The following RMDN2 variants were observed in gnomAD, a reference collection of about 807,000 sequenced individuals.
RMDN2 encodes the protein regulator of microtubule dynamics protein 2.
In RMDN2, 61 loss-of-function variants were observed where a neutral mutation model predicts 52.8. That is an observed-to-expected ratio of 1.16 (90% CI 0.94 to 1.43). RMDN2 has a LOEUF of 1.43. Ranked by LOEUF, RMDN2 falls within the 40% of genes most tolerant of loss-of-function variation. RMDN2 has a pLI of 0.00. For synonymous variants in RMDN2, 180 were observed against 153.1 expected (o/e 1.18, Z -1.30); for missense variants, 592 against 475.3 (o/e 1.25, Z -2.28).
intron 10 of RMDN2, chr2:38,012,692 G>T (rs1013370447): frequency 1.8e-5 from 8 of 435,538 alleles, no homozygotes; most frequent in Middle Eastern, 3.7e-4. Flanking sequence ...TGAGAAAATA[G>T]GATGAAGTGA....
chr2:38,049,319 A>G lies in RMDN2; in HGVS notation c.1714-17663A>G, dbSNP rs79012639. Among the ~76,000 whole-genome samples the G allele has an allele frequency of 4.2e-3, 642 of 152,324 alleles. 4 individuals carry two copies. The highest frequency in any genetic ancestry group is 0.015 in the African/African-American group (618 of 41,572). On this transcript the variant is annotated intron_variant, in intron 10 of 10. Coordinates refer to the RMDN2 transcript ENST00000234195. ...CATCAGTCAGAGAAGCAGCATGATC[A>G]GCAAAGCTCTCACAGTGGACTGGAC...
chr2:38,058,989 A>C (rs112494667), intron 10 of RMDN2, among the ~76,000 whole-genome samples: 61 of 152,346 alleles, frequency 4.0e-4, no homozygotes, highest in African/African-American at 1.3e-3. Context: ...TTCTTATCAT[A>C]GTGTTTTACC....
At chr2:37,960,397 GTA>G (rs1422750771) in intron 2 of RMDN2, among the ~76,000 whole-genome samples, 2 of 152,038 alleles carry the variant, frequency 1.3e-5, no homozygotes, top group Non-Finnish European at 2.9e-5. Context: ...TTACCATTAT[GTA>G]ATTACCTTGA....
chr2:37,929,212 T>C (rs1053289947), intron 1 of RMDN2, 50 bp from the exon 2 acceptor site: 145 of 1,134,704 alleles, frequency 1.3e-4, no homozygotes, highest in Non-Finnish European at 1.7e-4. Context: ...ATTTTTGTCT[T>C]GGACAAAGAC....
At chr2:37,931,974 T>C (rs1396277435) in intron 2 of RMDN2, among the ~76,000 whole-genome samples, 2 of 152,212 alleles carry the variant, frequency 1.3e-5, no homozygotes, top group Non-Finnish European at 1.5e-5. Flanking sequence ...TGTTTAGCTC[T>C]CCTTTAGAAA....
At chr2:38,052,336 A>G (rs1045781225) in intron 10 of RMDN2, among the ~76,000 whole-genome samples, 2 of 151,982 alleles carry the variant, frequency 1.3e-5, no homozygotes, top group Non-Finnish European at 2.9e-5. Context: ...CGAGAAATGT[A>G]TATTCAGATC....
intron 10 of RMDN2, among the ~76,000 whole-genome samples, chr2:38,063,878 CTA>C (rs1168191948): frequency 2.0e-5 from 3 of 152,106 alleles, no homozygotes; most frequent in Non-Finnish European, 4.4e-5. Context: ...AATTTAGCCA[CTA>C]TGATAGGTTT....
At chr2:38,061,824 A>G (rs1682064851) in intron 10 of RMDN2, among the ~76,000 whole-genome samples, 1 of 152,214 alleles carries the variant, frequency 6.6e-6, no homozygotes, top group African/African-American at 2.4e-5. Flanking sequence ...AACACTTATG[A>G]CATTGAATTA....
intron 2 of RMDN2, among the ~76,000 whole-genome samples, chr2:37,957,464 A>G (rs2124996699): frequency 6.6e-6 from 1 of 152,204 alleles, no homozygotes; most frequent in East Asian, 1.9e-4. Context: ...GTCTGTTGAT[A>G]TCCTTCACCC....
chr2:37,973,124 G>T (rs908018555), intron 2 of RMDN2, among the ~76,000 whole-genome samples: 1 of 151,940 alleles, frequency 6.6e-6, no homozygotes, highest in Non-Finnish European at 1.5e-5. Context: ...ATTCACATTT[G>T]GCCTTTGTCT....
intron 7 of RMDN2, among the ~76,000 whole-genome samples, chr2:37,996,987 G>A (rs750455789): frequency 3.3e-5 from 5 of 152,094 alleles, no homozygotes; most frequent in Non-Finnish European, 7.3e-5. Flanking sequence ...CATGGAGTAG[G>A]CAGGAGGAGA....
intron 10 of RMDN2, among the ~76,000 whole-genome samples, chr2:38,052,251 A>G (rs945055852): frequency 3.9e-5 from 6 of 152,242 alleles, no homozygotes; most frequent in East Asian, 1.9e-4. Context: ...GTCTTATAAT[A>G]ATTTGCATTT....
chr2:38,009,749 G>T (rs1558547233), intron 10 of RMDN2, among the ~76,000 whole-genome samples: 2 of 152,134 alleles, frequency 1.3e-5, no homozygotes, highest in Non-Finnish European at 2.9e-5. Flanking sequence ...TCCGTTGCTG[G>T]TGAGGAGCTG....
At chr2:38,048,939 A>G (rs180757039) in intron 10 of RMDN2, among the ~76,000 whole-genome samples, 135 of 152,330 alleles carry the variant, frequency 8.9e-4, no homozygotes, top group African/African-American at 3.2e-3. Context: ...CATTCCACAA[A>G]CAGGTATTGA....
At chr2:37,934,865 C>T (rs1207136389) in intron 2 of RMDN2, among the ~76,000 whole-genome samples, 2 of 151,066 alleles carry the variant, frequency 1.3e-5, no homozygotes, top group Admixed American at 1.3e-4. Flanking sequence ...CTCTATCACT[C>T]TATGGGTCTA....
At chr2:37,931,933 C>T (rs1169586121) in intron 2 of RMDN2, among the ~76,000 whole-genome samples, 8 of 152,152 alleles carry the variant, frequency 5.3e-5, no homozygotes, top group African/African-American at 1.7e-4. Context: ...CAGCAAATGG[C>T]ACTCAGTAAA....
chr2:37,974,969 C>G (rs894578364), intron 3 of RMDN2: 1 of 441,000 alleles, frequency 2.3e-6, no homozygotes, highest in African/African-American at 2.1e-5. Flanking sequence ...ATAGATGGAG[C>G]TAGTGTCTGG....
chr2:37,935,190 A>G (rs1667181657), intron 2 of RMDN2, among the ~76,000 whole-genome samples: 1 of 152,246 alleles, frequency 6.6e-6, no homozygotes, highest in Admixed American at 6.5e-5. Flanking sequence ...GAATACCAGC[A>G]TAATGTCAGG....
chr2:37,937,281 G>C (rs1423152013), intron 2 of RMDN2, among the ~76,000 whole-genome samples: 1 of 152,182 alleles, frequency 6.6e-6, no homozygotes, highest in African/African-American at 2.4e-5. Context: ...TTTGGTACCA[G>C]TACCATGCTG....
Sources: allele counts gnomAD v4.1 joint callset (sites outside exome capture counted in the v4.1 genomes callset), GRCh38; gene constraint gnomAD v4.1.1; transcripts MANE v1.5; gene names NCBI Gene and HGNC (gene_info 2026-07-23, HGNC 2026-07-21).